TRPC4: variants seen among roughly 807,000 people sequenced by gnomAD.
TRPC4 encodes the protein short transient receptor potential channel 4.
Under a neutral mutation model 99.4 loss-of-function variants are expected in TRPC4, and 49 were observed. The ratio of observed to expected loss-of-function variants is 0.49; its 90% CI spans 0.39 to 0.63. The LOEUF (loss-of-function observed/expected upper bound fraction) is 0.63. Ranked by LOEUF, TRPC4 falls within the 20% of genes least tolerant of loss-of-function variation. The pLI is 0.00. For synonymous variants in TRPC4, 454 were observed against 425.9 expected (o/e 1.07, Z -0.81); for missense variants, 898 against 1,152.9 (o/e 0.78, Z 3.20).
At chr13:37,840,531 TG>T (rs939292554) in intron 1 of TRPC4, among the ~76,000 whole-genome samples, 14 of 152,024 alleles carry the variant, frequency 9.2e-5, no homozygotes, top group Non-Finnish European at 1.9e-4. Context: ...CCTCTAATGT[TG>T]ATAATTATTT....
intron 1 of TRPC4, among the ~76,000 whole-genome samples, chr13:37,843,180 C>T (rs2139647750): frequency 6.6e-6 from 1 of 152,234 alleles, no homozygotes; most frequent in South Asian, 2.1e-4. Context: ...CATTCTAGAA[C>T]TAGTTTTGTC....
At position 37,783,362 on chromosome 13, in the gene TRPC4, T is replaced by G. The variant is rs1302019168; in HGVS notation, c.-27-2A>C. ...TCATGCCATGCTATTTCTTCGTCTC[T>G]GAAAGTAGAAACAAAAAACACAAAG... On this transcript the variant is annotated splice_acceptor_variant, in intron 1 of 10. Coordinates refer to ENST00000379705, the MANE Select transcript of TRPC4 (RefSeq NM_016179.4). LOFTEE classifies it low-confidence loss of function (5UTR_SPLICE). 6.6e-7 allele frequency: 1 copy of G among 1,507,344 alleles called. No homozygotes were observed. Among genetic ancestry groups the G allele is most frequent in the Non-Finnish European group, 8.9e-7 (1 of 1,128,942 alleles). 93.4% of individuals were successfully genotyped at this position (1,507,344 alleles called of 1,614,324 possible).
chr13:37,792,706 A>T (rs556018289), intron 1 of TRPC4, among the ~76,000 whole-genome samples: 1 of 147,894 alleles, frequency 6.8e-6, no homozygotes, highest in Non-Finnish European at 1.5e-5. Context: ...CCCGTAACTG[A>T]CCTCTGGCTT....
chr13:37,820,014 T>C (rs1200462220), intron 1 of TRPC4, among the ~76,000 whole-genome samples: 1 of 151,752 alleles, frequency 6.6e-6, no homozygotes, highest in Non-Finnish European at 1.5e-5. Context: ...AGGAGTTTGT[T>C]TTTTAAAGAA....
chr13:37,651,348 G>A lies in TRPC4; in HGVS notation c.1996C>T (p.Leu666Phe). The change falls in exon 8 of 11, where the codon CTC becomes TTC. Residue 666 changes from leucine to phenylalanine, a missense_variant. Around this residue, in one of 3 missense-constraint regions of TRPC4, gnomAD observed 274 missense variants for 454.9 expected, o/e 0.60. Coordinates refer to ENST00000379705, the MANE Select transcript of TRPC4 (RefSeq NM_016179.4). ...PFNVIPSPKS[L>F]WYLIKWIWTH... ...CAGATCCATTTGATCAGGTACCAGA[G>A]AGACTTGGGGCTCGGGATGACATTG... The A allele has an allele frequency of 6.2e-7, 1 of 1,614,114 alleles. No homozygotes were observed. The highest frequency in any genetic ancestry group is 8.5e-7 in the Non-Finnish European group (1 of 1,180,004).
chr13:37,867,029 C>T (rs1959802279), intron 1 of TRPC4, among the ~76,000 whole-genome samples: 1 of 147,118 alleles, frequency 6.8e-6, no homozygotes, highest in Non-Finnish European at 1.5e-5. Flanking sequence ...AGTCAAAGTG[C>T]ACATTAGAAT....
chr13:37,751,597 G>T (rs972303767), intron 2 of TRPC4, among the ~76,000 whole-genome samples: 5 of 151,974 alleles, frequency 3.3e-5, no homozygotes, highest in African/African-American at 4.8e-5. Context: ...CTGCAAATGC[G>T]ATTTTTCTAA....
intron 1 of TRPC4, among the ~76,000 whole-genome samples, chr13:37,841,858 A>C (rs1197913677): frequency 2.6e-5 from 4 of 152,208 alleles, no homozygotes; most frequent in African/African-American, 7.2e-5. Flanking sequence ...TGCCACTATC[A>C]TGTGACTCAA....
chr13:37,659,069 A>G (rs9548003), intron 6 of TRPC4, among the ~76,000 whole-genome samples: 33,189 of 152,128 alleles, frequency 0.22, 3,995 homozygotes, highest in Non-Finnish European at 0.26. Flanking sequence ...TGGGGGATTG[A>G]AAGATGAGAC....
intron 1 of TRPC4, among the ~76,000 whole-genome samples, chr13:37,863,479 A>G (rs1354050657): frequency 3.3e-5 from 5 of 151,580 alleles, no homozygotes; most frequent in Non-Finnish European, 5.9e-5. Context: ...ACACATATAT[A>G]TTATATTCCT....
At chr13:37,663,936 A>G (rs1348771483) in intron 5 of TRPC4, among the ~76,000 whole-genome samples, 5 of 152,226 alleles carry the variant, frequency 3.3e-5, no homozygotes, top group East Asian at 1.9e-4. Context: ...GTCTGTTGCT[A>G]TGGAAACAGA....
chr13:37,751,598 A>C (rs1384083763), intron 2 of TRPC4, among the ~76,000 whole-genome samples: 1 of 152,036 alleles, frequency 6.6e-6, no homozygotes, highest in African/African-American at 2.4e-5. Context: ...TGCAAATGCG[A>C]TTTTTCTAAT....
intron 4 of TRPC4, 134 bp from the exon 5 acceptor site, chr13:37,674,501 T>A (rs534414203): frequency 1.1e-6 from 1 of 933,132 alleles, no homozygotes; most frequent in Non-Finnish European, 1.6e-6. Flanking sequence ...ATCTATTTTT[T>A]ACAGGTAATA....
intron 1 of TRPC4, among the ~76,000 whole-genome samples, chr13:37,787,856 C>G (rs1391689532): frequency 2.0e-5 from 3 of 152,016 alleles, no homozygotes; most frequent in Non-Finnish European, 4.4e-5. Context: ...TTAGATTGAA[C>G]AAGTACCACA....
At chr13:37,648,736 A>G (rs899163141) in intron 8 of TRPC4, among the ~76,000 whole-genome samples, 4 of 152,294 alleles carry the variant, frequency 2.6e-5, no homozygotes, top group Non-Finnish European at 1.5e-5. Flanking sequence ...AGAAAAGCCA[A>G]TTGACTGAGA....
intron 5 of TRPC4, among the ~76,000 whole-genome samples, chr13:37,673,342 C>G (rs1316490154): frequency 1.3e-5 from 2 of 152,002 alleles, no homozygotes; most frequent in Admixed American, 1.3e-4. Context: ...AGGTTGCCCA[C>G]AGAAGCAGAA....
chr13:37,790,752 C>T (rs1192070121), intron 1 of TRPC4, among the ~76,000 whole-genome samples: 1 of 152,064 alleles, frequency 6.6e-6, no homozygotes, highest in East Asian at 1.9e-4. Context: ...TATTATCCTC[C>T]CCCCTTTGGT....
At chr13:37,661,877 A>G (rs1192682134) in intron 6 of TRPC4, among the ~76,000 whole-genome samples, 2 of 152,174 alleles carry the variant, frequency 1.3e-5, no homozygotes, top group Non-Finnish European at 1.5e-5. Flanking sequence ...ATCCTAGGCC[A>G]TGCTAGTTAT....
intron 1 of TRPC4, among the ~76,000 whole-genome samples, chr13:37,835,733 GATTCAACAC>G (rs1171528804): frequency 6.6e-6 from 1 of 152,172 alleles, no homozygotes; most frequent in African/African-American, 2.4e-5. Context: ...CTTATTTTTA[GATTCAACAC>G]ATAAGGTGCA....
Sources: allele counts gnomAD v4.1 joint callset (sites outside exome capture counted in the v4.1 genomes callset), GRCh38; gene constraint gnomAD v4.1.1; regional missense constraint gnomAD v4.1.1; transcripts MANE v1.5; gene names NCBI Gene and HGNC (gene_info 2026-07-23, HGNC 2026-07-21).